RBPMS2: variants seen among roughly 807,000 people sequenced by gnomAD.
The protein encoded by RBPMS2 is RNA-binding protein with multiple splicing 2.
A neutral mutation model predicts 25.7 loss-of-function variants in RBPMS2; 14 were observed. The ratio of observed to expected loss-of-function variants is 0.55; its 90% confidence interval spans 0.36 to 0.85. The LOEUF (loss-of-function observed/expected upper bound fraction) is 0.85, where lower values mean the gene tolerates loss of function less well. Among genes scored for constraint, RBPMS2 ranks in the 40% least tolerant of loss-of-function variants. The probability of loss-of-function intolerance (pLI) is 0.01; values close to 1 mark genes in which losing one functional copy is unlikely to be tolerated. For missense variants in RBPMS2, 252 were observed against 283.4 expected (o/e 0.89, Z 0.80); for synonymous variants, 127 against 115.6 (o/e 1.10, Z -0.63).
intron 3 of RBPMS2, among the ~76,000 whole-genome samples, 153 bp downstream of exon 3, chr15:64,750,190 C>G (rs559503865): frequency 4.7e-4 from 71 of 152,122 alleles, no homozygotes; most frequent in South Asian, 8.3e-4. Flanking sequence ...GACAGTGGGA[C>G]CTACAGAGGC....
At chr15:64,741,699 A>G (rs928710165) in intron 6 of RBPMS2, among the ~76,000 whole-genome samples, 1 of 152,258 alleles carries the variant, frequency 6.6e-6, no homozygotes, top group East Asian at 1.9e-4. Context: ...AGAAATGACG[A>G]AGTCATATGT....
intron 1 of RBPMS2, among the ~76,000 whole-genome samples, chr15:64,752,134 G>A (rs950031028): frequency 1.3e-4 from 20 of 151,748 alleles, no homozygotes; most frequent in African/African-American, 4.6e-4. Context: ...CATGCTAATC[G>A]GTATGCCTTT....
At chr15:64,756,433 T>C (rs1169475482) in intron 1 of RBPMS2, among the ~76,000 whole-genome samples, 2 of 151,060 alleles carry the variant, frequency 1.3e-5, no homozygotes, top group Admixed American at 6.6e-5. Context: ...GAGAATCCCC[T>C]GAACCCTGGA....
At chr15:64,745,810 G>A (rs1244250508) in intron 6 of RBPMS2, among the ~76,000 whole-genome samples, 1 of 152,206 alleles carries the variant, frequency 6.6e-6, no homozygotes, top group Non-Finnish European at 1.5e-5. Context: ...GGTCTCTGCA[G>A]CCACGTAGCT....
rs907233430 is a variant in RBPMS2, at chr15:64,741,257, A to G, written c.568-15T>C. On this transcript the variant is annotated splice_polypyrimidine_tract_variant and intron_variant, in intron 6 of 7. Coordinates refer to ENST00000300069, the MANE Select transcript of RBPMS2 (RefSeq NM_194272.3). The stretch of plus-strand genomic sequence containing the variant: ...TACCAGCGCACCTGCAAGAGAAGCC[A>G]ACGTCAGGAGCCAGCTGTGCATCCC... The G allele has an allele frequency of 1.9e-6, 3 of 1,581,110 alleles. No homozygotes were observed. Among genetic ancestry groups the G allele is most frequent in the East Asian group, 4.6e-5 (2 of 43,298 alleles).
intron 1 of RBPMS2, among the ~76,000 whole-genome samples, chr15:64,771,165 ATTACT>A (rs1463507134): frequency 6.6e-6 from 1 of 152,272 alleles, no homozygotes; most frequent in African/African-American, 2.4e-5. Flanking sequence ...CCAGTTAAAA[ATTACT>A]TTAACAATCT....
intron 1 of RBPMS2, among the ~76,000 whole-genome samples, chr15:64,774,085 G>GAGCCC (rs1396988895): frequency 6.6e-6 from 1 of 152,216 alleles, no homozygotes; most frequent in East Asian, 1.9e-4. Flanking sequence ...TGGCGGCGCT[G>GAGCCC]AGCCCAGCCC....
intron 1 of RBPMS2, 49 bp downstream of exon 1, chr15:64,775,183 GC>G: frequency 9.2e-7 from 1 of 1,082,350 alleles, no homozygotes. Context: ...CCTCTCCCGC[GC>G]CCGCCTGGCG....
intron 1 of RBPMS2, chr15:64,762,560 C>G: frequency 1.9e-6 from 1 of 531,314 alleles, no homozygotes; most frequent in South Asian, 1.4e-5. Context: ...GGACACTGCA[C>G]TCAGGGTCCA....
intron 1 of RBPMS2, among the ~76,000 whole-genome samples, chr15:64,763,078 T>G (rs2083806776): frequency 2.0e-5 from 3 of 151,224 alleles, no homozygotes; most frequent in Admixed American, 6.6e-5. Flanking sequence ...GTGGGAGTGT[T>G]TTGGGGGATT....
intron 1 of RBPMS2, among the ~76,000 whole-genome samples, chr15:64,766,297 G>C (rs2083845174): frequency 6.6e-6 from 1 of 152,094 alleles, no homozygotes; most frequent in South Asian, 2.1e-4. Context: ...GCACTCCAGA[G>C]GCCTCCAACG....
intron 1 of RBPMS2, chr15:64,762,293 A>C (rs1485839214): frequency 4.2e-6 from 2 of 479,878 alleles, no homozygotes; most frequent in African/African-American, 4.0e-5. Flanking sequence ...TGACTGACAG[A>C]CTGTCAACTC....
chr15:64,761,957 G>A (rs1198087881), intron 1 of RBPMS2, among the ~76,000 whole-genome samples: 2 of 151,848 alleles, frequency 1.3e-5, no homozygotes, highest in Non-Finnish European at 2.9e-5. Flanking sequence ...TGATCCATCC[G>A]CCTCAGCATC....
chr15:64,768,377 A>C (rs4777565), intron 1 of RBPMS2, among the ~76,000 whole-genome samples: 132,327 of 152,042 alleles, frequency 0.87, 58,801 homozygotes, highest in East Asian at 0.96. Flanking sequence ...CAGTGACTCA[A>C]ACCTATAACC....
intron 6 of RBPMS2, among the ~76,000 whole-genome samples, chr15:64,747,544 T>G (rs971663774): frequency 1.3e-5 from 2 of 152,140 alleles, no homozygotes; most frequent in Admixed American, 6.6e-5. Flanking sequence ...GGCTCAAAAG[T>G]GCCCCCCAGC....
At chr15:64,762,165 T>A (rs997721832) in intron 1 of RBPMS2, among the ~76,000 whole-genome samples, 1 of 152,068 alleles carries the variant, frequency 6.6e-6, no homozygotes, top group Non-Finnish European at 1.5e-5. Context: ...AGACACAGTA[T>A]CTTGCAAAAG....
chr15:64,740,733 C>T lies in RBPMS2; in HGVS notation c.*275G>A, dbSNP rs2083553014. ...GGCGGGAGGTCAGGCCTTGCCAGGT[C>T]CCAGTGAGGCCTCCGAGCTGGATCT... On this transcript the variant is annotated 3_prime_UTR_variant, in exon 8 of 8. Coordinates refer to ENST00000300069, the MANE Select transcript of RBPMS2 (RefSeq NM_194272.3). 1 of 161,846 alleles carries T rather than the reference C, an allele frequency of 6.2e-6. No individual in the cohort carries two copies. The highest frequency in any genetic ancestry group is 1.8e-4 in the East Asian group (1 of 5,514). 10.0% of individuals were successfully genotyped at this position (161,846 alleles called of 1,614,324 possible).
At position 64,740,360 on chromosome 15, in the gene RBPMS2, G is replaced by A. The variant is rs925882464; in HGVS notation, c.*648C>T. On this transcript the variant is annotated 3_prime_UTR_variant, in exon 8 of 8. Coordinates refer to ENST00000300069, the MANE Select transcript of RBPMS2 (RefSeq NM_194272.3). ...AGAGGTGAACAGAACGGGCAGAGAG[G>A]GCTTTCTTACGACTGTTGGCCCATC... The A allele has an allele frequency of 6.6e-6, 1 of 152,234 alleles. No homozygotes were observed. The highest frequency in any genetic ancestry group is 1.5e-5 in the Non-Finnish European group (1 of 68,066). 9.4% of individuals were successfully genotyped at this position (152,234 alleles called of 1,614,324 possible).
chr15:64,772,915 G>A (rs566951498), intron 1 of RBPMS2, among the ~76,000 whole-genome samples: 2 of 152,204 alleles, frequency 1.3e-5, no homozygotes, highest in Admixed American at 1.3e-4. Context: ...AAAGCCTATA[G>A]GTAAGGTAGT....
Sources: gnomAD v4.1 joint callset for allele counts (sites outside exome capture counted in the v4.1 genomes callset) on GRCh38, gnomAD v4.1.1 for gene constraint, MANE v1.5 for transcripts, NCBI Gene and HGNC (gene_info 2026-07-23, HGNC 2026-07-21) for gene names.